The following MEIS3 variants were observed in gnomAD, a reference collection of about 807,000 sequenced individuals.
MEIS3 encodes homeobox protein Meis3.
Under a neutral mutation model 51.4 loss-of-function variants are expected in MEIS3, and 38 were observed. The ratio of observed to expected loss-of-function variants is 0.74; its 90% CI spans 0.57 to 0.97. MEIS3 has a LOEUF of 0.97. Among genes scored for constraint, MEIS3 ranks in the 50% least tolerant of loss-of-function variants. The probability of loss-of-function intolerance (pLI) is 0.00; values close to 1 mark genes in which losing one functional copy is unlikely to be tolerated. For missense variants in MEIS3, 456 were observed against 502.6 expected, an observed-to-expected ratio of 0.91 and a Z score of 0.89; for synonymous variants, 198 against 201.8, an observed-to-expected ratio of 0.98 and a Z score of 0.16.
rs1359218023 is a variant in MEIS3, at chr19:47,407,342, G to C, written c.935+10C>G. 6.2e-7 allele frequency: 1 copy of C among 1,612,062 alleles called. No homozygotes were observed. The highest frequency in any genetic ancestry group is 8.5e-7 in the Non-Finnish European group (1 of 1,179,440). ...CCGGGCCGGCCCGCGGGCCCTCCTG[G>C]GCCACTCACCAGTTGTTGACTTGCA... On this transcript the variant is annotated intron_variant, in intron 9 of 12. Transcript: ENST00000558555.
intron 6 of MEIS3, among the ~76,000 whole-genome samples, chr19:47,414,270 T>C (rs1199068289): frequency 2.6e-5 from 4 of 152,108 alleles, no homozygotes; most frequent in Admixed American, 2.6e-4. Flanking sequence ...TCTATGTCCA[T>C]CTGTGTGGCT....
Position 47,417,345 on chromosome 19 carries a change from A to T in MEIS3, c.18T>A (p.Asp6Glu). 6.2e-7 allele frequency: 1 copy of T among 1,613,152 alleles called. No individual in the cohort carries two copies. The highest frequency in any genetic ancestry group is 8.5e-7 in the Non-Finnish European group (1 of 1,179,566). ...CGATGCCTGGGTAGTGCGGCAGCTCATCATACTGGGGGAAGGTGAGAAGAG... is the reference window on the plus strand; with the variant it reads ...CGATGCCTGGGTAGTGCGGCAGCTCTTCATACTGGGGGAAGGTGAGAAGAG... The part of the protein sequence containing the change: MARRY[D>E]ELPHYPGIVD... The change falls in exon 2 of 13, where the codon GAT becomes GAA. Residue 6 changes from aspartate to glutamate, a missense_variant. Coordinates refer to ENST00000558555, the MANE Select transcript of MEIS3 (RefSeq NM_001301059.2).
intron 12 of MEIS3, among the ~76,000 whole-genome samples, chr19:47,404,435 G>A (rs958960185): frequency 6.6e-6 from 1 of 152,024 alleles, no homozygotes; most frequent in Non-Finnish European, 1.5e-5. Flanking sequence ...CTCATCCCCA[G>A]GGCTTTTCTG....
rs376216087 is a variant in MEIS3 at position 47,414,879 on chromosome 19, C to T, written c.448-13G>A. ...ACAGGTCGTGGACCTGGGGGGGCAC[C>T]GGGGTACTGGGGGGGGCCACCCACG... is the stretch of plus-strand genomic sequence containing the variant. On this transcript the variant is annotated splice_polypyrimidine_tract_variant and intron_variant, in intron 5 of 12. Coordinates refer to ENST00000558555, the MANE Select transcript of MEIS3 (RefSeq NM_001301059.2). 97 of 963,716 alleles carry T rather than the reference C, an allele frequency of 1.0e-4. No individual in the cohort carries two copies. The highest frequency in any genetic ancestry group is 1.3e-4 in the East Asian group (2 of 15,476). The allele number at this position is 963,716 out of a possible 1,614,324, so 59.7% of individuals were successfully genotyped here. A position where few individuals can be genotyped will look rare whatever the true frequency, so the allele number is the denominator to read the frequency against.
intron 12 of MEIS3, 42 bp downstream of exon 12, chr19:47,406,418 G>GAATT: frequency 6.4e-7 from 1 of 1,559,278 alleles, no homozygotes; most frequent in South Asian, 1.1e-5. Context: ...GTCTAATGGA[G>GAATT]GTTTGAGAAT....
Position 47,414,860 on chromosome 19 carries a change from C to T in MEIS3, c.454G>A (p.Asp152Asn), listed in dbSNP as rs1209991584. ...FHLLELEKVH[D>N]LCDNFCHRYI... Reference sequence around the variant, plus strand: ...CGGTGACAGAAGTTGTCGCACAGGTCGTGGACCTGGGGGGGCACCGGGGTA... The same window carrying T: ...CGGTGACAGAAGTTGTCGCACAGGTTGTGGACCTGGGGGGGCACCGGGGTA... Residue 152 changes from aspartate to asparagine, a missense_variant, in exon 6 of 13, where the codon GAC becomes AAC. By Grantham distance (23) the Asp-to-Asn change is conservative. Transcript: ENST00000558555. The T allele has an allele frequency of 3.5e-6, 5 of 1,415,140 alleles. No homozygotes were observed. The highest frequency in any genetic ancestry group is 4.7e-6 in the Non-Finnish European group (5 of 1,062,530). The allele number at this position is 1,415,140 out of a possible 1,614,324, so 87.7% of individuals were successfully genotyped here.
chr19:47,414,826 G>A lies in MEIS3; in HGVS notation c.488C>T (p.Thr163Ile), dbSNP rs777662647. 2 of 1,612,632 alleles carry A rather than the reference G, an allele frequency of 1.2e-6. No homozygotes were observed. Among genetic ancestry groups the A allele is most frequent in the Non-Finnish European group, 1.7e-6 (2 of 1,179,450 alleles). The change falls in exon 6 of 13, where the codon ACC becomes ATC. Residue 163 changes from threonine (T) to isoleucine (I), a missense_variant. Thr to Ile is a moderately conservative substitution (Grantham distance 89). Coordinates refer to ENST00000558555, the MANE Select transcript of MEIS3 (RefSeq NM_001301059.2). ...LCDNFCHRYI[T>I]CLKGKMPIDL... is the part of the protein sequence containing the mutation. Reference sequence around the variant, plus strand: ...GATGGGCATCTTTCCCTTGAGGCAGGTGATGTAGCGGTGACAGAAGTTGTC... The same window carrying A: ...GATGGGCATCTTTCCCTTGAGGCAGATGATGTAGCGGTGACAGAAGTTGTC...
At chr19:47,417,984 G>C (rs1971544647) in intron 1 of MEIS3, 1 of 465,542 alleles carries the variant, frequency 2.1e-6, no homozygotes, top group South Asian at 3.6e-5. Context: ...ATGAATGCAT[G>C]ATTGAGACAT....
upstream of MEIS3, among the ~76,000 whole-genome samples, chr19:47,420,940 A>C (rs28429383): frequency 4.4e-5 from 4 of 90,972 alleles, no homozygotes; most frequent in African/African-American, 2.3e-4. Flanking sequence ...ACACACACAC[A>C]CTCTCTCTCT....
chr19:47,421,064 G>A (rs148593267), upstream of MEIS3, among the ~76,000 whole-genome samples: 578 of 151,958 alleles, frequency 3.8e-3, 2 homozygotes, highest in African/African-American at 0.013. Context: ...TGGAGCGGGG[G>A]TGCCTGTGTC....
chr19:47,419,023 G>A (rs1352518398), intron 1 of MEIS3, 47 bp downstream of exon 1: 23 of 1,230,400 alleles, frequency 1.9e-5, no homozygotes, highest in Admixed American at 4.2e-5. Flanking sequence ...GCAGGGACAG[G>A]GGGTGCGGAA....
In MEIS3 at chr19:47,416,423, C is replaced by T. The variant is rs1902125037; in HGVS notation, c.396+229G>A. 6.0e-6 allele frequency: 3 copies of T among 502,692 alleles called. No individual in the cohort carries two copies. The Admixed American group carries it at 1.2e-4, about 20-fold the overall frequency. 31.1% of individuals were successfully genotyped at this position (502,692 alleles called of 1,614,324 possible). ...GGCACGGAGATGCAGAGTGACTTGC[C>T]CTGGGTCACAGAGCTGGTGAGTGGC... is the stretch of plus-strand genomic sequence containing the variant. On this transcript the variant is annotated intron_variant, in intron 4 of 12. Transcript: ENST00000558555.
At chr19:47,407,260 G>A (rs1970879585) in intron 9 of MEIS3, 92 bp downstream of exon 9, 1 of 1,496,402 alleles carries the variant, frequency 6.7e-7, no homozygotes, top group East Asian at 2.4e-5. Context: ...CAGGGGCAGT[G>A]GCTCTGCGGG....
chr19:47,408,613 A>T (rs942803041), intron 8 of MEIS3, among the ~76,000 whole-genome samples: 1 of 151,528 alleles, frequency 6.6e-6, no homozygotes, highest in African/African-American at 2.4e-5. Flanking sequence ...TCCTCCCCGA[A>T]TCTCTGTGTC....
In MEIS3 at chr19:47,417,923, CCA is replaced by C. The variant is rs797021228; in HGVS notation, c.13-575_13-574del. On this transcript the variant is annotated intron_variant, in intron 1 of 12. Transcript: ENST00000558555. Reference sequence around the variant, plus strand: ...GTCAGTCACACCCAAATCCCCCCCCCCACACACACATGCACACACACATGCAC... The same window carrying C: ...GTCAGTCACACCCAAATCCCCCCCCCCACACACATGCACACACACATGCAC... The C allele has an allele frequency of 3.6e-5, 20 of 553,436 alleles. No homozygotes were observed. The African/African-American group carries it at 3.6e-4, about 10-fold the overall frequency. The allele number at this position is 553,436 out of a possible 1,614,324, so 34.3% of individuals were successfully genotyped here.
chr19:47,413,518 G>A (rs1971242172), intron 6 of MEIS3, among the ~76,000 whole-genome samples: 1 of 152,012 alleles, frequency 6.6e-6, no homozygotes, highest in Admixed American at 6.6e-5. Flanking sequence ...AGATGTCATT[G>A]CCAGGTGTGT....
intron 2 of MEIS3, 101 bp downstream of exon 2, chr19:47,417,077 C>CA: frequency 6.5e-7 from 1 of 1,536,162 alleles, no homozygotes; most frequent in Non-Finnish European, 8.8e-7. Flanking sequence ...GGGAAGGAGA[C>CA]AGAGACTCGT....
chr19:47,408,840 G>C (rs2122492779), intron 8 of MEIS3, among the ~76,000 whole-genome samples: 1 of 152,216 alleles, frequency 6.6e-6, no homozygotes. Flanking sequence ...TGGATGGTGG[G>C]CAGGTGGATG....
At chr19:47,406,576 C>A in intron 11 of MEIS3, 50 bp from the exon 12 acceptor site, 2 of 1,562,630 alleles carry the variant, frequency 1.3e-6, no homozygotes, top group Non-Finnish European at 1.8e-6. Flanking sequence ...GAGACACCCC[C>A]AGATGCCTCT....
Sources: allele counts gnomAD v4.1 joint callset (sites outside exome capture counted in the v4.1 genomes callset), GRCh38; gene constraint gnomAD v4.1.1; transcripts MANE v1.5; gene names NCBI Gene and HGNC (gene_info 2026-07-23, HGNC 2026-07-21).